The following RARB variants were observed in gnomAD, a reference collection of about 807,000 sequenced individuals.
RARB encodes retinoic acid receptor beta, also known as HBV-activated protein.
RARB carries 17 observed loss-of-function variants against 51.9 expected under a neutral mutation model. The ratio of observed to expected loss-of-function variants is 0.33; its 90% CI spans 0.22 to 0.49. The LOEUF (loss-of-function observed/expected upper bound fraction) is 0.49. Ranked by LOEUF, RARB falls within the 20% of genes least tolerant of loss-of-function variation. The pLI is 0.99. For missense variants in RARB, 369 were observed against 550.8 expected, an observed-to-expected ratio of 0.67 and a Z score of 3.30; for synonymous variants, 215 against 195.4, an observed-to-expected ratio of 1.10 and a Z score of -0.84.
chr3:25,358,242 A>G (rs762381438), intron 5 of RARB, among the ~76,000 whole-genome samples: 3 of 152,100 alleles, frequency 2.0e-5, no homozygotes, highest in Non-Finnish European at 2.9e-5. Flanking sequence ...CTTTGTAGCA[A>G]TTATGAATGG....
intron 2 of RARB, among the ~76,000 whole-genome samples, chr3:25,042,488 T>G (rs562024144): frequency 6.6e-6 from 1 of 152,354 alleles, no homozygotes; most frequent in Admixed American, 6.5e-5. Context: ...CTCATGACTT[T>G]CTCTTCAGCC....
At chr3:25,187,636 A>G (rs1186629469) in intron 5 of RARB, among the ~76,000 whole-genome samples, 2 of 152,150 alleles carry the variant, frequency 1.3e-5, no homozygotes, top group African/African-American at 2.4e-5. Context: ...AAGCAATTTT[A>G]AAAAGAAATG....
chr3:25,057,542 C>G (rs552385042), intron 2 of RARB, among the ~76,000 whole-genome samples: 2 of 152,104 alleles, frequency 1.3e-5, no homozygotes, highest in South Asian at 4.1e-4. Context: ...AACTTGCCAG[C>G]TAATTGAGTA....
chr3:25,002,089 G>A (rs930167679), intron 2 of RARB, among the ~76,000 whole-genome samples: 10 of 152,124 alleles, frequency 6.6e-5, no homozygotes, highest in African/African-American at 1.9e-4. Context: ...AGATTCTTGG[G>A]ACAGTGGATT....
intron 4 of RARB, among the ~76,000 whole-genome samples, chr3:25,161,729 A>C (rs6793350): frequency 6.6e-6 from 1 of 152,184 alleles, no homozygotes; most frequent in African/African-American, 2.4e-5. Context: ...TATCTTACTC[A>C]CTTCTTTTTT....
chr3:25,111,906 T>C (rs1018014165), intron 3 of RARB, among the ~76,000 whole-genome samples: 1 of 152,064 alleles, frequency 6.6e-6, no homozygotes, highest in Non-Finnish European at 1.5e-5. Flanking sequence ...TTCCCCCCTT[T>C]TACTCTTATA....
chr3:24,987,495 A>C (rs1294943973), intron 2 of RARB, among the ~76,000 whole-genome samples: 1 of 152,262 alleles, frequency 6.6e-6, no homozygotes, highest in Non-Finnish European at 1.5e-5. Context: ...GGTTAGAGAA[A>C]GAAAGAGATG....
intron 2 of RARB, among the ~76,000 whole-genome samples, chr3:24,923,505 T>C (rs1695260215): frequency 6.6e-6 from 1 of 152,148 alleles, no homozygotes; most frequent in Non-Finnish European, 1.5e-5. Context: ...TTTTTCTTTT[T>C]TTTTTCTTTT....
chr3:25,509,099 A>G (rs1360919656), intron 3 of RARB, among the ~76,000 whole-genome samples: 1 of 152,174 alleles, frequency 6.6e-6, no homozygotes, highest in Non-Finnish European at 1.5e-5. Context: ...TTTCCATTAC[A>G]CAATAGAACA....
intron 5 of RARB, among the ~76,000 whole-genome samples, chr3:25,196,428 C>A (rs1273976756): frequency 2.6e-5 from 4 of 152,138 alleles, no homozygotes. Context: ...GCATAGTATT[C>A]CACAGTGTAT....
intron 1 of RARB, among the ~76,000 whole-genome samples, chr3:24,846,089 A>G (rs6778278): frequency 0.016 from 2,470 of 152,312 alleles, 68 homozygotes; most frequent in African/African-American, 0.057. Flanking sequence ...CTGTTATTAC[A>G]TTATTTTTTA....
chr3:25,027,353 G>C (rs947551301), intron 2 of RARB, among the ~76,000 whole-genome samples: 31 of 152,154 alleles, frequency 2.0e-4, no homozygotes, highest in Non-Finnish European at 4.0e-4. Flanking sequence ...TACCCAAGCA[G>C]GCTGGGCAAT....
chr3:25,549,071 T>C (rs1699736996), intron 3 of RARB, among the ~76,000 whole-genome samples: 1 of 152,062 alleles, frequency 6.6e-6, no homozygotes. Flanking sequence ...TCCTTTGTTA[T>C]GGCTTACAGC....
chr3:24,986,989 T>G (rs898558086), intron 2 of RARB, among the ~76,000 whole-genome samples: 3 of 152,192 alleles, frequency 2.0e-5, no homozygotes, highest in Non-Finnish European at 2.9e-5. Flanking sequence ...CTTTCCATTT[T>G]CAAAATTTGG....
intron 3 of RARB, among the ~76,000 whole-genome samples, chr3:25,536,751 C>T (rs1699158156): frequency 6.6e-6 from 1 of 152,150 alleles, no homozygotes; most frequent in South Asian, 2.1e-4. Flanking sequence ...AATGTTCTCT[C>T]AGAAACTTAT....
chr3:24,921,789 G>A (rs1340028481), intron 2 of RARB, among the ~76,000 whole-genome samples: 1 of 152,186 alleles, frequency 6.6e-6, no homozygotes, highest in Non-Finnish European at 1.5e-5. Flanking sequence ...ACAATAATCT[G>A]TATAGAATAA....
intron 5 of RARB, among the ~76,000 whole-genome samples, chr3:25,370,327 AG>A (rs945573380): frequency 6.6e-6 from 1 of 152,196 alleles, no homozygotes; most frequent in Non-Finnish European, 1.5e-5. Context: ...TTAGTGTTAG[AG>A]TAAGTGTATG....
chr3:24,913,388 T>C (rs912088001), intron 2 of RARB, among the ~76,000 whole-genome samples: 7 of 137,586 alleles, frequency 5.1e-5, no homozygotes, highest in African/African-American at 1.6e-4. Flanking sequence ...ATAGTCTTCT[T>C]TCTCTCTCTC....
intron 2 of RARB, among the ~76,000 whole-genome samples, chr3:24,976,093 A>G (rs548239776): frequency 6.6e-6 from 1 of 152,210 alleles, no homozygotes; most frequent in Non-Finnish European, 1.5e-5. Flanking sequence ...TGCAAAGGAC[A>G]TGAACTCATC....
Sources: allele counts gnomAD v4.1 joint callset (sites outside exome capture counted in the v4.1 genomes callset), GRCh38; gene constraint gnomAD v4.1.1; transcripts MANE v1.5; gene names NCBI Gene and HGNC (gene_info 2026-07-23, HGNC 2026-07-21).